The following TENM3 variants were observed in gnomAD, a reference collection of about 807,000 sequenced individuals.
TENM3 encodes teneurin-3.
TENM3 carries 63 observed loss-of-function variants against 255.1 expected under a neutral mutation model. The ratio of observed to expected loss-of-function variants is 0.25; its 90% CI spans 0.20 to 0.30. The LOEUF is 0.30. Ranked by LOEUF, TENM3 falls within the 10% of genes least tolerant of loss-of-function variation. The pLI is 1.00. For missense variants in TENM3, 2,929 were observed against 3,461.1 expected (o/e 0.85, Z 3.86); for synonymous variants, 1,306 against 1,322.3 (o/e 0.99, Z 0.27).
At chr4:182,794,212 C>G (rs781225608) in intron 26 of TENM3, among the ~76,000 whole-genome samples, 1 of 152,188 alleles carries the variant, frequency 6.6e-6, no homozygotes, top group Non-Finnish European at 1.5e-5. Flanking sequence ...CCAATCCCAG[C>G]TCCTCTCCCA....
At chr4:182,413,714 G>A (rs1161378183) in intron 3 of TENM3, among the ~76,000 whole-genome samples, 4 of 152,074 alleles carry the variant, frequency 2.6e-5, no homozygotes, top group African/African-American at 7.2e-5. Flanking sequence ...AAATGCTTTT[G>A]ACATAGAGAG....
the TENM3 span, among the ~76,000 whole-genome samples, chr4:181,948,318 C>T: frequency 6.1e-3 from 934 of 152,166 alleles, 5 homozygotes; most frequent in African/African-American, 0.021. Context: ...TGATATAAAA[C>T]GAATTTAATT....
chr4:182,147,219 T>A (rs1750030916), intron 1 of TENM3, among the ~76,000 whole-genome samples: 1 of 152,110 alleles, frequency 6.6e-6, no homozygotes, highest in South Asian at 2.1e-4. Context: ...TGGCTATCGT[T>A]GTGAGTAGAG....
chr4:182,477,557 C>G (rs1170728076), intron 3 of TENM3, among the ~76,000 whole-genome samples: 1 of 152,178 alleles, frequency 6.6e-6, no homozygotes, highest in Non-Finnish European at 1.5e-5. Flanking sequence ...CTGAATCCCT[C>G]CTCCAGTGAC....
At chr4:182,093,772 C>T in the TENM3 span, among the ~76,000 whole-genome samples, 102 of 152,234 alleles carry the variant, frequency 6.7e-4, no homozygotes, top group Non-Finnish European at 4.1e-4. Flanking sequence ...CACGCTTCCA[C>T]GACAGGGTCC....
chr4:182,023,828 A>G, the TENM3 span, among the ~76,000 whole-genome samples: 5,968 of 152,276 alleles, frequency 0.039, 389 homozygotes, highest in African/African-American at 0.13. Context: ...AATCCATTAT[A>G]GCTGTAATCC....
At chr4:181,819,434 T>C in the TENM3 span, among the ~76,000 whole-genome samples, 4 of 152,206 alleles carry the variant, frequency 2.6e-5, no homozygotes, top group African/African-American at 9.7e-5. Context: ...AGGTGACAGT[T>C]TTTTGCTAAT....
intron 22 of TENM3, among the ~76,000 whole-genome samples, chr4:182,766,664 G>C (rs546331188): frequency 6.6e-6 from 1 of 152,210 alleles, no homozygotes; most frequent in South Asian, 2.1e-4. Context: ...GTTCAAAAGG[G>C]CTGGACCAGA....
the TENM3 span, among the ~76,000 whole-genome samples, chr4:181,881,383 A>G: frequency 6.6e-6 from 1 of 152,254 alleles, no homozygotes; most frequent in African/African-American, 2.4e-5. Context: ...AAGGGGAATA[A>G]GTTAAAATAA....
intron 3 of TENM3, among the ~76,000 whole-genome samples, chr4:182,367,418 G>C (rs1042009988): frequency 6.6e-5 from 10 of 152,184 alleles, no homozygotes; most frequent in African/African-American, 2.4e-4. Context: ...CTAGGTCCTA[G>C]AGCAGAACTG....
At chr4:181,655,866 C>A in the TENM3 span, among the ~76,000 whole-genome samples, 10 of 152,302 alleles carry the variant, frequency 6.6e-5, no homozygotes, top group East Asian at 1.7e-3. Context: ...CTATTAGGGA[C>A]AGATTAGTCA....
the TENM3 span, among the ~76,000 whole-genome samples, chr4:181,982,518 T>C: frequency 6.6e-6 from 1 of 152,172 alleles, no homozygotes; most frequent in Admixed American, 6.6e-5. Flanking sequence ...TGAGAGTAAC[T>C]TAGGCACTTC....
chr4:181,713,008 T>C, the TENM3 span, among the ~76,000 whole-genome samples: 1 of 152,216 alleles, frequency 6.6e-6, no homozygotes, highest in East Asian at 1.9e-4. Context: ...ATCATCACTA[T>C]GAACATTCAC....
chr4:182,358,550 AT>A (rs1765726363), intron 3 of TENM3, among the ~76,000 whole-genome samples: 1 of 152,016 alleles, frequency 6.6e-6, no homozygotes, highest in Non-Finnish European at 1.5e-5. Context: ...AATGCTTGTG[AT>A]TTTTGTAGAT....
chr4:181,639,855 C>T, the TENM3 span, among the ~76,000 whole-genome samples: 1 of 152,222 alleles, frequency 6.6e-6, no homozygotes, highest in Non-Finnish European at 1.5e-5. Context: ...TCCACCCCAA[C>T]AGATGAACTC....
At chr4:182,120,119 A>G in the TENM3 span, among the ~76,000 whole-genome samples, 1 of 151,684 alleles carries the variant, frequency 6.6e-6, no homozygotes, top group East Asian at 1.9e-4. Context: ...ACACACACAC[A>G]CACTCCTTTC....
At chr4:182,138,064 G>A in the TENM3 span, among the ~76,000 whole-genome samples, 3 of 152,118 alleles carry the variant, frequency 2.0e-5, no homozygotes, top group East Asian at 1.9e-4. Context: ...TGATGATAGC[G>A]AAGTGCACTT....
intron 3 of TENM3, among the ~76,000 whole-genome samples, chr4:182,545,441 T>A (rs748299884): frequency 7.2e-5 from 11 of 151,946 alleles, no homozygotes; most frequent in Non-Finnish European, 1.5e-4. Flanking sequence ...TACAGTTGCC[T>A]CCTGCTTGGT....
chr4:182,315,197 T>C (rs998067269), intron 1 of TENM3, among the ~76,000 whole-genome samples: 7 of 152,224 alleles, frequency 4.6e-5, no homozygotes, highest in African/African-American at 1.7e-4. Flanking sequence ...CAATATCTTA[T>C]ATATTTAACC....
Sources: allele counts gnomAD v4.1 joint callset (sites outside exome capture counted in the v4.1 genomes callset), GRCh38; gene constraint gnomAD v4.1.1; transcripts MANE v1.5; gene names NCBI Gene and HGNC (gene_info 2026-07-23, HGNC 2026-07-21).